The following SLC2A13 variants were observed in gnomAD, a reference collection of about 807,000 sequenced individuals.
SLC2A13 encodes the protein proton myo-inositol cotransporter.
Under a neutral mutation model 64.4 loss-of-function variants are expected in SLC2A13, and 32 were observed. That is an observed-to-expected ratio of 0.50 (90% CI 0.37 to 0.67). The LOEUF is 0.67. Ranked by LOEUF, SLC2A13 falls within the 30% of genes least tolerant of loss-of-function variation. The pLI is 0.00. For missense variants in SLC2A13, 743 were observed against 829.2 expected, an observed-to-expected ratio of 0.90 and a Z score of 1.28; for synonymous variants, 338 against 327.1, an observed-to-expected ratio of 1.03 and a Z score of -0.36.
At chr12:39,795,171 C>T (rs924197226) in intron 7 of SLC2A13, among the ~76,000 whole-genome samples, 2 of 151,968 alleles carry the variant, frequency 1.3e-5, no homozygotes, top group Admixed American at 1.3e-4. Flanking sequence ...CCTAACGTCT[C>T]TTATATCTTG....
intron 7 of SLC2A13, among the ~76,000 whole-genome samples, chr12:39,782,338 T>C (rs1259540770): frequency 6.6e-6 from 1 of 152,126 alleles, no homozygotes; most frequent in African/African-American, 2.4e-5. Flanking sequence ...AATTGAATCA[T>C]GGGGGCGGCC....
At chr12:39,811,162 C>G (rs1282442051) in intron 7 of SLC2A13, among the ~76,000 whole-genome samples, 1 of 152,008 alleles carries the variant, frequency 6.6e-6, no homozygotes, top group African/African-American at 2.4e-5. Flanking sequence ...TAGAAGTGCT[C>G]TCTTTTAATT....
intron 3 of SLC2A13, among the ~76,000 whole-genome samples, chr12:40,001,397 G>A (rs912878713): frequency 6.6e-6 from 1 of 152,192 alleles, no homozygotes; most frequent in Admixed American, 6.5e-5. Context: ...TATTTTCACT[G>A]TCTTAGCCTA....
At position 39,774,119 on chromosome 12, in the gene SLC2A13, A is replaced by G. The variant is rs534843865; in HGVS notation, c.1446-9261T>C. ...AATAGTTCTTTATTGATAGAAATTT[A>G]TGATATAATTACACCATTACAATTT... is the stretch of plus-strand genomic sequence containing the variant. On this transcript the variant is annotated intron_variant, in intron 7 of 9. Transcript: ENST00000280871. Among the ~76,000 whole-genome samples the G allele has an allele frequency of 4.6e-5, 7 of 152,330 alleles. No individual in the cohort carries two copies. In the South Asian group the frequency reaches 6.2e-4, roughly 14 times the overall value.
At chr12:39,977,685 C>A (rs998336759) in intron 3 of SLC2A13, among the ~76,000 whole-genome samples, 1 of 152,204 alleles carries the variant, frequency 6.6e-6, no homozygotes, top group African/African-American at 2.4e-5. Flanking sequence ...CTCCGAATAT[C>A]CTCAGTGGTC....
chr12:39,948,709 T>C (rs2136097582), intron 4 of SLC2A13, among the ~76,000 whole-genome samples: 1 of 152,262 alleles, frequency 6.6e-6, no homozygotes, highest in East Asian at 1.9e-4. Flanking sequence ...TTATTAGGGT[T>C]GAATTAAAAT....
At chr12:39,950,925 T>C (rs1946217627) in intron 4 of SLC2A13, 1 of 327,568 alleles carries the variant, frequency 3.1e-6, no homozygotes, top group Non-Finnish European at 5.5e-6. Flanking sequence ...GTGATTTCCT[T>C]CTATTTTGCT....
chr12:39,952,869 T>C (rs201576102), intron 3 of SLC2A13, among the ~76,000 whole-genome samples: 2 of 152,272 alleles, frequency 1.3e-5, no homozygotes, highest in African/African-American at 2.4e-5. Context: ...ACCTGAAAGA[T>C]AGGCAGGCTC....
chr12:39,914,745 T>C (rs1028864494), intron 4 of SLC2A13, among the ~76,000 whole-genome samples: 1 of 151,920 alleles, frequency 6.6e-6, no homozygotes, highest in Non-Finnish European at 1.5e-5. Context: ...TAAGGAGTGA[T>C]GGAAAAACGG....
At chr12:40,075,926 G>A (rs1938154568) in intron 1 of SLC2A13, among the ~76,000 whole-genome samples, 1 of 152,104 alleles carries the variant, frequency 6.6e-6, no homozygotes, top group African/African-American at 2.4e-5. Context: ...TAAAGTACGT[G>A]TTTTTCTGTT....
chr12:39,987,605 T>C (rs994510024), intron 3 of SLC2A13, among the ~76,000 whole-genome samples: 2 of 152,204 alleles, frequency 1.3e-5, no homozygotes, highest in African/African-American at 4.8e-5. Flanking sequence ...CCTGAGACCA[T>C]GATCTTTATA....
chr12:39,794,903 T>C (rs1464646228), intron 7 of SLC2A13, among the ~76,000 whole-genome samples: 1 of 152,228 alleles, frequency 6.6e-6, no homozygotes, highest in Non-Finnish European at 1.5e-5. Context: ...GTCAGTCTAA[T>C]TGCTCTTGCC....
intron 1 of SLC2A13, among the ~76,000 whole-genome samples, chr12:40,076,276 T>A (rs1484291865): frequency 6.6e-6 from 1 of 152,136 alleles, no homozygotes; most frequent in Non-Finnish European, 1.5e-5. Context: ...GCATAGTACC[T>A]GATAGGTAGT....
chr12:40,022,652 C>T (rs570198485), intron 3 of SLC2A13, among the ~76,000 whole-genome samples: 63 of 152,222 alleles, frequency 4.1e-4, no homozygotes, highest in African/African-American at 1.4e-3. Context: ...GCCTGGCCAA[C>T]GCGGTGAAAC....
chr12:39,858,376 C>A (rs1405541115), intron 6 of SLC2A13, among the ~76,000 whole-genome samples: 3 of 152,140 alleles, frequency 2.0e-5, no homozygotes, highest in Admixed American at 1.3e-4. Flanking sequence ...TTAATAGTAA[C>A]CTCATGGTAT....
chr12:39,862,047 C>T (rs755509227), intron 6 of SLC2A13, among the ~76,000 whole-genome samples: 1 of 152,176 alleles, frequency 6.6e-6, no homozygotes, highest in Non-Finnish European at 1.5e-5. Context: ...TGCCCCCTAA[C>T]AGGCGCCAGT....
intron 3 of SLC2A13, among the ~76,000 whole-genome samples, chr12:39,995,724 G>A (rs142892894): frequency 2.3e-3 from 347 of 152,288 alleles, no homozygotes; most frequent in African/African-American, 8.1e-3. Context: ...TTGTGGGAGG[G>A]ACCTGGTGAG....
At chr12:40,085,179 G>A (rs1938550296) in intron 1 of SLC2A13, among the ~76,000 whole-genome samples, 1 of 152,198 alleles carries the variant, frequency 6.6e-6, no homozygotes, top group South Asian at 2.1e-4. Flanking sequence ...AATCTCCTGT[G>A]CTCAGGACCC....
Position 39,896,362 on chromosome 12 carries a change from A to G in SLC2A13, c.1035-24401T>C, listed in dbSNP as rs1036051833. 5.7e-5 allele frequency among the ~76,000 whole-genome samples: 8 copies of G among 139,656 alleles called. 1 individual carries two copies. The East Asian group carries it at 8.4e-4, about 15-fold the overall frequency. The allele number at this position is 139,656 out of a possible 152,430, so 91.6% of individuals were successfully genotyped here. ...TATACATATATGTATGTATATGTGTATATATGTATACATATATGTATGTAT... is the reference window on the plus strand; with the variant it reads ...TATACATATATGTATGTATATGTGTGTATATGTATACATATATGTATGTAT... On this transcript the variant is annotated intron_variant, in intron 4 of 9. Coordinates refer to ENST00000280871, the MANE Select transcript of SLC2A13 (RefSeq NM_052885.4).
Sources: gnomAD v4.1 joint callset for allele counts (sites outside exome capture counted in the v4.1 genomes callset) on GRCh38, gnomAD v4.1.1 for gene constraint, MANE v1.5 for transcripts, NCBI Gene and HGNC (gene_info 2026-07-23, HGNC 2026-07-21) for gene names.